The following KMT2C variants were observed in gnomAD, a reference collection of about 807,000 sequenced individuals.
The protein encoded by KMT2C is lysine methyltransferase 2C.
Under a neutral mutation model 507.9 loss-of-function variants are expected in KMT2C, and 88 were observed. The observed-to-expected ratio is 0.17, with a 90% CI of 0.15 to 0.21. The LOEUF is 0.21. Among genes scored for constraint, KMT2C ranks in the 10% least tolerant of loss-of-function variants. The probability of loss-of-function intolerance (pLI) is 1.00; values close to 1 mark genes in which losing one functional copy is unlikely to be tolerated. For synonymous variants in KMT2C, 2,049 were observed against 2,080.8 expected, an observed-to-expected ratio of 0.98 and a Z score of 0.42; for missense variants, 4,954 against 5,957.8, an observed-to-expected ratio of 0.83 and a Z score of 5.55.
intron 1 of KMT2C, among the ~76,000 whole-genome samples, chr7:152,394,228 G>A: frequency 6.6e-6 from 1 of 152,176 alleles, no homozygotes; most frequent in Non-Finnish European, 1.5e-5. Context: ...GAGTTTTAGA[G>A]TCTTGGTCAG....
chr7:152,274,116 T>C (rs2096029795), intron 6 of KMT2C, among the ~76,000 whole-genome samples: 1 of 152,144 alleles, frequency 6.6e-6, no homozygotes, highest in African/African-American at 2.4e-5. Context: ...TTTTCAAAAA[T>C]AAATTTTGAA....
chr7:152,201,523 T>C (rs2094140297), intron 26 of KMT2C, among the ~76,000 whole-genome samples: 1 of 142,794 alleles, frequency 7.0e-6, no homozygotes, highest in Non-Finnish European at 1.5e-5. Flanking sequence ...GAAGGATCAA[T>C]AGGAGGAAAA....
At chr7:152,143,393 G>T (rs2129091876) in intron 55 of KMT2C, among the ~76,000 whole-genome samples, 1 of 152,328 alleles carries the variant, frequency 6.6e-6, no homozygotes, top group Non-Finnish European at 1.5e-5. Context: ...AGAACAGAAG[G>T]GGAGAAAGGA....
chr7:152,418,970 G>GA lies in KMT2C; in HGVS notation c.161+16655dup, dbSNP rs896735796. Among the ~76,000 whole-genome samples, 5 of 152,012 alleles carry GA rather than the reference G, an allele frequency of 3.3e-5. 1 individual carries two copies. Among genetic ancestry groups the GA allele is most frequent in the Admixed American group, 3.3e-4 (5 of 15,244 alleles). ...GCACTTTGAAAGGCCAAGGTGGGAG[G>GA]ATCACTTGAGCCTAGGAGTTTGAGA... On this transcript the variant is annotated intron_variant, in intron 1 of 58. Transcript: ENST00000262189.
intron 3 of KMT2C, among the ~76,000 whole-genome samples, chr7:152,316,635 C>A (rs1197906306): frequency 2.6e-5 from 4 of 152,110 alleles, no homozygotes; most frequent in Non-Finnish European, 4.4e-5. Flanking sequence ...TCTTGCATTA[C>A]CAGGTGATAG....
At chr7:152,323,393 T>A (rs2129207319) in intron 3 of KMT2C, among the ~76,000 whole-genome samples, 1 of 151,856 alleles carries the variant, frequency 6.6e-6, no homozygotes, top group East Asian at 1.9e-4. Context: ...ATCCCAGCAC[T>A]TCGGGAGGCC....
chr7:152,297,888 G>C (rs1385050294), intron 6 of KMT2C, among the ~76,000 whole-genome samples: 3 of 152,178 alleles, frequency 2.0e-5, no homozygotes, highest in Non-Finnish European at 4.4e-5. Flanking sequence ...AAAATTAGCA[G>C]AGGAGGACAT....
At chr7:152,321,518 A>G (rs1473206201) in intron 3 of KMT2C, among the ~76,000 whole-genome samples, 1 of 151,884 alleles carries the variant, frequency 6.6e-6, no homozygotes, top group Non-Finnish European at 1.5e-5. Flanking sequence ...ATATATGGAA[A>G]ACCCTAAAGA....
intron 23 of KMT2C, among the ~76,000 whole-genome samples, chr7:152,209,935 C>G (rs1418305761): frequency 1.3e-5 from 2 of 152,130 alleles, no homozygotes; most frequent in African/African-American, 4.8e-5. Flanking sequence ...ATTTAATTAT[C>G]TGCAGAAGTC....
chr7:152,340,725 A>G (rs575242333), intron 2 of KMT2C, among the ~76,000 whole-genome samples: 22 of 152,216 alleles, frequency 1.4e-4, no homozygotes, highest in Non-Finnish European at 3.1e-4. Flanking sequence ...TACTCTCTTT[A>G]TAATTACCCA....
At chr7:152,222,461 A>G in intron 21 of KMT2C, 112 bp downstream of exon 21, 1 of 555,552 alleles carries the variant, frequency 1.8e-6, no homozygotes, top group Non-Finnish European at 3.2e-6. Flanking sequence ...TGTCAAAGTA[A>G]GTTTCACAAA....
chr7:152,324,805 A>T (rs2096810569), intron 3 of KMT2C, among the ~76,000 whole-genome samples: 2 of 152,010 alleles, frequency 1.3e-5, no homozygotes, highest in South Asian at 2.1e-4. Flanking sequence ...TTTGTCTCCA[A>T]AACTAGGACA....
chr7:152,192,111 CATA>C (rs531733439), intron 31 of KMT2C, among the ~76,000 whole-genome samples: 224 of 151,818 alleles, frequency 1.5e-3, no homozygotes, highest in Non-Finnish European at 1.6e-3. Flanking sequence ...AAGTGATTTT[CATA>C]ATGATTGTAA....
At chr7:152,355,486 C>T (rs1044687647) in intron 2 of KMT2C, among the ~76,000 whole-genome samples, 7 of 151,656 alleles carry the variant, frequency 4.6e-5, no homozygotes, top group Admixed American at 2.0e-4. Context: ...TGAATAAGAC[C>T]ACCTAATACA....
chr7:152,275,628 T>C (rs1746243288), intron 6 of KMT2C, among the ~76,000 whole-genome samples: 2 of 152,112 alleles, frequency 1.3e-5, no homozygotes, highest in Admixed American at 1.3e-4. Context: ...ATAACCAGCT[T>C]TTACAAAACA....
At chr7:152,416,775 G>A (rs1198030405) in intron 1 of KMT2C, among the ~76,000 whole-genome samples, 1 of 150,292 alleles carries the variant, frequency 6.7e-6, no homozygotes, top group African/African-American at 2.4e-5. Flanking sequence ...GATCAAGCCG[G>A]GCACGGTGGC....
At chr7:152,201,214 G>A (rs1007262469) in intron 26 of KMT2C, among the ~76,000 whole-genome samples, 1 of 151,330 alleles carries the variant, frequency 6.6e-6, no homozygotes, top group African/African-American at 2.4e-5. Flanking sequence ...ATAAAGAGGG[G>A]GCTCCATCCA....
At chr7:152,415,951 A>T (rs2097731247) in intron 1 of KMT2C, among the ~76,000 whole-genome samples, 1 of 152,190 alleles carries the variant, frequency 6.6e-6, no homozygotes, top group Non-Finnish European at 1.5e-5. Context: ...GCTTAGAACT[A>T]CTTTTTTTCT....
chr7:152,149,019 G>T lies in KMT2C; in HGVS notation c.12908C>A (p.Ala4303Asp). Residue 4303 changes from alanine (A) to aspartate (D), a missense_variant, in exon 52 of 59, where the codon GCC becomes GAC. Coordinates refer to ENST00000262189, the MANE Select transcript of KMT2C (RefSeq NM_170606.3). ...PQLPEKASPP[A>D]SPPIAFPPAF... ...AGGAGGGAAGGCGATGGGTGGTGAG[G>T]CAGGGGGAGAAGCTTTCTCTGGGAG... 1.3e-6 allele frequency: 2 copies of T among 1,544,424 alleles called. No homozygotes were observed. The highest frequency in any genetic ancestry group is 2.6e-5 in the South Asian group (2 of 77,296).
Sources: allele counts gnomAD v4.1 joint callset (sites outside exome capture counted in the v4.1 genomes callset), GRCh38; gene constraint gnomAD v4.1.1; transcripts MANE v1.5; gene names NCBI Gene and HGNC (gene_info 2026-07-23, HGNC 2026-07-21).